The following ARHGAP17 variants were observed in gnomAD, a reference collection of about 807,000 sequenced individuals.
ARHGAP17 encodes rho GTPase-activating protein 17.
Under a neutral mutation model 99.5 loss-of-function variants are expected in ARHGAP17, and 57 were observed. That is an observed-to-expected ratio of 0.57 (90% confidence interval 0.46 to 0.71). The LOEUF (loss-of-function observed/expected upper bound fraction) is 0.71. ARHGAP17 is among the 30% of genes least tolerant of loss of function. The probability of loss-of-function intolerance (pLI) is 0.00; values close to 1 mark genes in which losing one functional copy is unlikely to be tolerated. For synonymous variants in ARHGAP17, 417 were observed against 429.6 expected (o/e 0.97, Z 0.36); for missense variants, 1,000 against 1,122.4 (o/e 0.89, Z 1.56).
At chr16:24,953,687 A>G (rs2051715449) in intron 10 of ARHGAP17, among the ~76,000 whole-genome samples, 1 of 152,168 alleles carries the variant, frequency 6.6e-6, no homozygotes, top group South Asian at 2.1e-4. Flanking sequence ...TTTCGTCATA[A>G]ATTACCCAGG....
intron 18 of ARHGAP17, among the ~76,000 whole-genome samples, chr16:24,933,927 A>G (rs1186221789): frequency 6.6e-6 from 1 of 152,208 alleles, no homozygotes; most frequent in Non-Finnish European, 1.5e-5. Flanking sequence ...CCAAAACCAG[A>G]GTCACACCTG....
intron 1 of ARHGAP17, among the ~76,000 whole-genome samples, chr16:24,991,621 G>A (rs774660688): frequency 2.6e-5 from 4 of 152,224 alleles, no homozygotes; most frequent in African/African-American, 9.7e-5. Context: ...GACAGAGTAC[G>A]TGGAGAGTTA....
At chr16:24,938,773 GAA>G (rs111587139) in intron 17 of ARHGAP17, among the ~76,000 whole-genome samples, 4,739 of 81,112 alleles carry the variant, frequency 0.058, 192 homozygotes, top group Middle Eastern at 0.15. Context: ...CGCAGTCTCA[GAA>G]AAAAAAAAAA....
chr16:24,986,369 T>A (rs993334159), intron 1 of ARHGAP17, among the ~76,000 whole-genome samples: 5 of 152,292 alleles, frequency 3.3e-5, no homozygotes, highest in African/African-American at 1.2e-4. Context: ...AGGCCTACAC[T>A]TAGTTTATCT....
At chr16:25,010,101 G>C (rs2053605912) in intron 1 of ARHGAP17, among the ~76,000 whole-genome samples, 3 of 151,232 alleles carry the variant, frequency 2.0e-5, no homozygotes, top group Admixed American at 2.0e-4. Context: ...TTTGAGACAG[G>C]GTCTTGCTCT....
At chr16:24,985,972 T>C (rs2052854707) in intron 1 of ARHGAP17, among the ~76,000 whole-genome samples, 1 of 152,202 alleles carries the variant, frequency 6.6e-6, no homozygotes, top group African/African-American at 2.4e-5. Flanking sequence ...TCTGTGGATA[T>C]ACCATGTTCT....
chr16:24,946,300 T>C (rs759912132), intron 14 of ARHGAP17, among the ~76,000 whole-genome samples: 11 of 151,842 alleles, frequency 7.2e-5, no homozygotes, highest in Non-Finnish European at 1.6e-4. Flanking sequence ...CACAGCCTCA[T>C]GTTCTCTGTC....
In ARHGAP17 at chr16:24,920,114, T is replaced by C; in HGVS notation, c.*16A>G. 4 of 1,610,062 alleles carry C rather than the reference T, an allele frequency of 2.5e-6. No homozygotes were observed. The highest frequency in any genetic ancestry group is 1.3e-5 in the African/African-American group (1 of 74,926). On this transcript the variant is annotated 3_prime_UTR_variant, in exon 20 of 20. Coordinates refer to ENST00000289968, the MANE Select transcript of ARHGAP17 (RefSeq NM_001006634.3). ...CGCCAGGGTGGAAGTGGTGGAGGGC[T>C]GGGAAAGGGCTTTCTTCACAGGGCA...
chr16:24,940,780 G>A (rs532649639), intron 16 of ARHGAP17, among the ~76,000 whole-genome samples: 50 of 152,284 alleles, frequency 3.3e-4, no homozygotes, highest in Non-Finnish European at 5.7e-4. Flanking sequence ...AGGGTGGAAG[G>A]AAGGCTGACT....
At chr16:24,978,866 TAAAAAAAAA>T in intron 2 of ARHGAP17, 91 bp downstream of exon 2, 1 of 586,486 alleles carries the variant, frequency 1.7e-6, no homozygotes, top group Non-Finnish European at 2.7e-6. Flanking sequence ...TGTTTCTGGT[TAAAAAAAAA>T]AAAAAAAAAA....
chr16:24,978,494 CAG>C (rs2052581518), intron 2 of ARHGAP17, among the ~76,000 whole-genome samples: 1 of 152,214 alleles, frequency 6.6e-6, no homozygotes, highest in South Asian at 2.1e-4. Context: ...CAGAAGAACA[CAG>C]GGCAAATCAA....
intron 1 of ARHGAP17, among the ~76,000 whole-genome samples, chr16:24,990,880 G>A (rs2053021019): frequency 6.6e-6 from 1 of 151,476 alleles, no homozygotes; most frequent in South Asian, 2.1e-4. Flanking sequence ...GGCAGAACGA[G>A]CAGCAGGACA....
intron 1 of ARHGAP17, among the ~76,000 whole-genome samples, chr16:25,004,003 A>G (rs1402901187): frequency 2.0e-5 from 3 of 152,114 alleles, no homozygotes; most frequent in East Asian, 1.9e-4. Flanking sequence ...AGAATCACAT[A>G]ATGGTTGCCT....
At chr16:24,939,665 C>T in intron 16 of ARHGAP17, 68 bp from the exon 17 acceptor site, 4 of 1,492,246 alleles carry the variant, frequency 2.7e-6, no homozygotes, top group Non-Finnish European at 3.7e-6. Context: ...CCCATCGGTC[C>T]ACATGTGTTA....
intron 1 of ARHGAP17, among the ~76,000 whole-genome samples, chr16:24,990,374 T>C (rs542573729): frequency 2.6e-5 from 4 of 151,846 alleles, no homozygotes; most frequent in Non-Finnish European, 4.4e-5. Context: ...TAGTCCCAGC[T>C]ACTCAGAAGG....
intron 3 of ARHGAP17, among the ~76,000 whole-genome samples, chr16:24,973,218 A>G (rs976027418): frequency 6.6e-6 from 1 of 152,138 alleles, no homozygotes; most frequent in South Asian, 2.1e-4. Context: ...CTAATCTAAT[A>G]ATCTATCTTA....
At chr16:24,986,128 C>A (rs1025752979) in intron 1 of ARHGAP17, among the ~76,000 whole-genome samples, 1 of 152,180 alleles carries the variant, frequency 6.6e-6, no homozygotes, top group African/African-American at 2.4e-5. Flanking sequence ...TCTACTTGAG[C>A]CTTCATAATA....
chr16:24,933,227 G>C (rs530157499), intron 18 of ARHGAP17, among the ~76,000 whole-genome samples: 1 of 151,018 alleles, frequency 6.6e-6, no homozygotes, highest in Non-Finnish European at 1.5e-5. Flanking sequence ...GTAAAGTCTC[G>C]GTGGCTCATG....
chr16:24,980,219 G>C (rs1366525654), intron 1 of ARHGAP17, among the ~76,000 whole-genome samples: 1 of 152,214 alleles, frequency 6.6e-6, no homozygotes, highest in African/African-American at 2.4e-5. Flanking sequence ...GCTCAGAGTA[G>C]TGCCAACTGT....
Sources: allele counts gnomAD v4.1 joint callset (sites outside exome capture counted in the v4.1 genomes callset), GRCh38; gene constraint gnomAD v4.1.1; transcripts MANE v1.5; gene names NCBI Gene and HGNC (gene_info 2026-07-23, HGNC 2026-07-21).